EYA3: variants seen among roughly 807,000 people sequenced by gnomAD.
The protein encoded by EYA3 is protein phosphatase EYA3.
A neutral mutation model predicts 80.0 loss-of-function variants in EYA3; 39 were observed. The ratio of observed to expected loss-of-function variants is 0.49; its 90% CI spans 0.38 to 0.64. The LOEUF (loss-of-function observed/expected upper bound fraction) is 0.64. Among genes scored for constraint, EYA3 ranks in the 30% least tolerant of loss-of-function variants. The pLI, the probability that EYA3 is intolerant of heterozygous loss-of-function variation, is 0.00. For synonymous variants in EYA3, 206 were observed against 232.8 expected, an observed-to-expected ratio of 0.88 and a Z score of 1.05; for missense variants, 523 against 676.1, an observed-to-expected ratio of 0.77 and a Z score of 2.51.
intron 8 of EYA3, among the ~76,000 whole-genome samples, chr1:28,016,532 TAAAAAAA>T (rs11318124): frequency 8.8e-6 from 1 of 113,956 alleles, no homozygotes; most frequent in Non-Finnish European, 1.8e-5. Flanking sequence ...GACTCCATCT[TAAAAAAA>T]AAAAAAAAAA....
At chr1:28,023,305 T>C (rs1213815444) in intron 7 of EYA3, among the ~76,000 whole-genome samples, 2 of 152,146 alleles carry the variant, frequency 1.3e-5, no homozygotes, top group African/African-American at 4.8e-5. Context: ...GAATTCCAAA[T>C]ACATTATGTA....
chr1:27,992,443 C>A (rs746059610), intron 14 of EYA3, among the ~76,000 whole-genome samples: 23 of 152,130 alleles, frequency 1.5e-4, no homozygotes, highest in Admixed American at 7.9e-4. Context: ...GGAGCTCAGG[C>A]AGTAATACTC....
At chr1:27,986,700 CT>C (rs1639682422) in intron 16 of EYA3, among the ~76,000 whole-genome samples, 1 of 149,686 alleles carries the variant, frequency 6.7e-6, no homozygotes, top group Non-Finnish European at 1.5e-5. Flanking sequence ...CCTGGCTTCT[CT>C]TAACAATTAT....
rs1643404916 is a variant in EYA3 at position 28,035,598 on chromosome 1, G to T, written c.307C>A (p.Gln103Lys). 2 of 1,613,790 alleles carry T rather than the reference G, an allele frequency of 1.2e-6. No homozygotes were observed. The highest frequency in any genetic ancestry group is 1.7e-6 in the Non-Finnish European group (2 of 1,179,788). The part of the protein sequence containing the change: ...QTQYQTLQQT[Q>K]PYAVYPQATQ... ...GCCTGAGGGTAGACAGCATAGGGTT[G>T]AGTCTGCTGTAGTGTCTGGTATTGA... Residue 103 changes from glutamine (Q) to lysine (K), a missense_variant, in exon 6 of 18, where the codon CAA becomes AAA. By Grantham distance (53) the Gln-to-Lys change is moderately conservative. Transcript: ENST00000373871.
chr1:28,055,462 C>CTTTTTT (rs531586344), intron 2 of EYA3, among the ~76,000 whole-genome samples: 3 of 106,954 alleles, frequency 2.8e-5, no homozygotes, highest in Non-Finnish European at 5.5e-5. Context: ...TAAAGAAAAT[C>CTTTTTT]TTTTTTTTTT....
intron 13 of EYA3, among the ~76,000 whole-genome samples, chr1:27,995,598 T>C (rs1012378026): frequency 6.7e-6 from 1 of 150,142 alleles, no homozygotes; most frequent in Non-Finnish European, 1.5e-5. Context: ...TAGCCAGGAG[T>C]GGTGGCATGC....
chr1:28,024,030 G>A (rs1186028589), intron 7 of EYA3, among the ~76,000 whole-genome samples: 1 of 152,154 alleles, frequency 6.6e-6, no homozygotes, highest in Non-Finnish European at 1.5e-5. Flanking sequence ...CTTGAGGTGA[G>A]GAGTTTGAGA....
chr1:27,988,474 G>A, intron 16 of EYA3, 61 bp downstream of exon 16: 1 of 1,581,656 alleles, frequency 6.3e-7, no homozygotes, highest in Non-Finnish European at 8.6e-7. Flanking sequence ...AATAATAGGT[G>A]CATCATGAGT....
At chr1:28,082,316 C>T (rs1645458599) in intron 1 of EYA3, among the ~76,000 whole-genome samples, 1 of 152,068 alleles carries the variant, frequency 6.6e-6, no homozygotes, top group Non-Finnish European at 1.5e-5. Context: ...CATTAAGGTG[C>T]ACCTCAACTT....
chr1:27,994,490 C>T (rs1571739988), intron 13 of EYA3, among the ~76,000 whole-genome samples: 3 of 151,858 alleles, frequency 2.0e-5, no homozygotes, highest in East Asian at 3.9e-4. Context: ...CCTGAGGTCC[C>T]GCCTCGGCCA....
intron 1 of EYA3, among the ~76,000 whole-genome samples, chr1:28,075,210 C>A (rs1489702566): frequency 6.6e-6 from 1 of 152,208 alleles, no homozygotes; most frequent in Non-Finnish European, 1.5e-5. Context: ...CCTACACATG[C>A]ACATAGCCTT....
At chr1:28,005,337 T>A (rs1030349336) in intron 10 of EYA3, among the ~76,000 whole-genome samples, 1 of 152,186 alleles carries the variant, frequency 6.6e-6, no homozygotes, top group Non-Finnish European at 1.5e-5. Context: ...ACTAATGCAA[T>A]GAGGCATTAT....
intron 17 of EYA3, chr1:27,977,463 G>A (rs1638996227): frequency 2.2e-6 from 3 of 1,393,220 alleles, no homozygotes; most frequent in Non-Finnish European, 2.9e-6. Flanking sequence ...GATACTCAAA[G>A]AGGATAATTG....
At chr1:27,977,455 T>C in intron 17 of EYA3, 1 of 1,441,946 alleles carries the variant, frequency 6.9e-7, no homozygotes, top group Non-Finnish European at 9.5e-7. Flanking sequence ...CAGATGAGGA[T>C]ACTCAAAGAG....
chr1:28,040,847 G>T (rs1375934243), intron 4 of EYA3, among the ~76,000 whole-genome samples: 1 of 146,278 alleles, frequency 6.8e-6, no homozygotes, highest in Non-Finnish European at 1.5e-5. Flanking sequence ...AGCCAAGGGC[G>T]GAGGGGCAGG....
rs183697844 is a variant in EYA3 at position 28,026,394 on chromosome 1, T to C, written c.499+1395A>G. Among the ~76,000 whole-genome samples the C allele has an allele frequency of 1.1e-3, 161 of 152,218 alleles. 2 individuals are homozygous for C. The highest frequency in any genetic ancestry group is 9.5e-3 in the Admixed American group (145 of 15,282). On this transcript the variant is annotated intron_variant, in intron 7 of 17. Coordinates refer to ENST00000373871, the MANE Select transcript of EYA3 (RefSeq NM_001990.4). ...ACTTTGGGAAGCTGGGGTGGGAGGA[T>C]TGCTGGAGCCCAGGAGTTCAAGACC... is the stretch of plus-strand genomic sequence containing the variant.
intron 8 of EYA3, among the ~76,000 whole-genome samples, chr1:28,015,980 A>G (rs1642032718): frequency 6.6e-6 from 1 of 152,230 alleles, no homozygotes; most frequent in African/African-American, 2.4e-5. Flanking sequence ...ACAGCAAGAC[A>G]TTAAAGAAAA....
chr1:28,036,868 G>T (rs1270552552), intron 5 of EYA3, among the ~76,000 whole-genome samples: 1 of 151,836 alleles, frequency 6.6e-6, no homozygotes, highest in African/African-American at 2.4e-5. Context: ...TTTCACCTTT[G>T]GGGGAAGAGG....
rs1004049818 is a variant in EYA3 at position 28,002,211 on chromosome 1, G to A, written c.993+2125C>T. Reference sequence around the variant, plus strand: ...ATTACAGGTGTGAGCCACCGCACCCGGCAATTTTTGTATTTTTAGTAGAGA... The same window carrying A: ...ATTACAGGTGTGAGCCACCGCACCCAGCAATTTTTGTATTTTTAGTAGAGA... On this transcript the variant is annotated intron_variant, in intron 11 of 17. Coordinates refer to ENST00000373871, the MANE Select transcript of EYA3 (RefSeq NM_001990.4). Among the ~76,000 whole-genome samples the A allele has an allele frequency of 5.9e-5, 9 of 151,962 alleles. No homozygotes were observed. The East Asian group carries it at 1.2e-3, about 20-fold the overall frequency.
Sources: gnomAD v4.1 joint callset for allele counts (sites outside exome capture counted in the v4.1 genomes callset) on GRCh38, gnomAD v4.1.1 for gene constraint, MANE v1.5 for transcripts, NCBI Gene and HGNC (gene_info 2026-07-23, HGNC 2026-07-21) for gene names.